The following ARHGEF39 variants were observed in gnomAD, a reference collection of about 807,000 sequenced individuals.
ARHGEF39 encodes Rho guanine nucleotide exchange factor 39.
A neutral mutation model predicts 47.5 loss-of-function variants in ARHGEF39; 45 were observed. That is an observed-to-expected ratio of 0.95 (90% CI 0.75 to 1.22). The LOEUF (loss-of-function observed/expected upper bound fraction) is 1.22, where lower values mean the gene tolerates loss of function less well. Among genes scored for constraint, ARHGEF39 ranks in the 50% most tolerant of loss-of-function variants. The probability of loss-of-function intolerance (pLI) is 0.00; values close to 1 mark genes in which losing one functional copy is unlikely to be tolerated. For missense variants in ARHGEF39, 411 were observed against 425.3 expected, an observed-to-expected ratio of 0.97 and a Z score of 0.30; for synonymous variants, 164 against 167.8, an observed-to-expected ratio of 0.98 and a Z score of 0.17.
In ARHGEF39 at chr9:35,660,330, G is replaced by A. The variant is rs1823848916; in HGVS notation, c.*1657C>T. 1 of 1,338,902 alleles carries A rather than the reference G, an allele frequency of 7.5e-7. No homozygotes were observed. Among genetic ancestry groups the A allele is most frequent in the African/African-American group, 1.5e-5 (1 of 68,244 alleles). 82.9% of individuals were successfully genotyped at this position (1,338,902 alleles called of 1,614,324 possible). On this transcript the variant is annotated 3_prime_UTR_variant, in exon 9 of 9. Coordinates refer to ENST00000378387, the MANE Select transcript of ARHGEF39 (RefSeq NM_032818.3). ...TCTCAAATTGCACTCTCTCTTGGCTGGCTCTGGAGACTGAGGTGATGGAGC... is the reference window on the plus strand; with the variant it reads ...TCTCAAATTGCACTCTCTCTTGGCTAGCTCTGGAGACTGAGGTGATGGAGC...
At position 35,665,090 on chromosome 9, in the gene ARHGEF39, G is replaced by A. The variant is rs1352495398; in HGVS notation, c.80C>T (p.Ala27Val). 5 of 1,552,878 alleles carry A rather than the reference G, an allele frequency of 3.2e-6. No homozygotes were observed. The East Asian group carries it at 1.2e-4, about 37-fold the overall frequency. The change falls in exon 1 of 9, where the codon GCC becomes GTC. Residue 27 changes from alanine to valine, a missense_variant. Coordinates refer to ENST00000378387, the MANE Select transcript of ARHGEF39 (RefSeq NM_032818.3). ...CCGCTCGGTCTCTAGCAGCTCCCGG[G>A]CGGTGCAGGCGCGTTTCCGCTCCCA... ...ARWERKRACT[A>V]RELLETERRY...
At position 35,663,068 on chromosome 9, in the gene ARHGEF39, G is replaced by C; in HGVS notation, c.551C>G (p.Ala184Gly). The change falls in exon 6 of 9, where the codon GCC (alanine) becomes GGC (glycine). Residue 184 changes from alanine (A) to glycine (G), a missense_variant. Transcript: ENST00000378387. ...CTGGGCAGTCTCACTTATCAGTCGG[G>C]CAGCCCCTGGAATAACATCTCCCAC... ...SPDHQQLTRA[A>G]RLISETAQRV... The C allele has an allele frequency of 6.2e-7, 1 of 1,613,498 alleles. No homozygotes were observed. Among genetic ancestry groups the C allele is most frequent in the Non-Finnish European group, 8.5e-7 (1 of 1,179,634 alleles).
At chr9:35,662,114 G>C in intron 8 of ARHGEF39, 65 bp downstream of exon 8, 1 of 1,598,904 alleles carries the variant, frequency 6.3e-7, no homozygotes, top group Admixed American at 1.7e-5. Context: ...CATGAGACAG[G>C]AACTGCATAT....
intron 5 of ARHGEF39, 111 bp downstream of exon 5, chr9:35,663,211 A>G: frequency 6.5e-7 from 1 of 1,549,808 alleles, no homozygotes. Flanking sequence ...GGGACACTGT[A>G]TACATGTCAG....
chr9:35,663,098 C>T lies in ARHGEF39; in HGVS notation c.545-24G>A, dbSNP rs1048358018. Reference sequence around the variant, plus strand: ...CCCTGGAATAACATCTCCCACCTTACTCCCCATACAACTTTGACTTTGGGT... The same window carrying T: ...CCCTGGAATAACATCTCCCACCTTATTCCCCATACAACTTTGACTTTGGGT... On this transcript the variant is annotated intron_variant, in intron 5 of 8. Transcript: ENST00000378387. 2.5e-6 allele frequency: 4 copies of T among 1,610,742 alleles called. No individual in the cohort carries two copies. The African/African-American group carries it at 4.0e-5, about 16-fold the overall frequency.
At position 35,661,083 on chromosome 9, in the gene ARHGEF39, C is replaced by A; in HGVS notation, c.*904G>T. 1 of 1,614,110 alleles carries A rather than the reference C, an allele frequency of 6.2e-7. No homozygotes were observed. ...TTCCTGGGAGGTGGGGCGGGGACTA[C>A]GGAGAAGGTGCAGCCAGGCTGTGGC... On this transcript the variant is annotated 3_prime_UTR_variant, in exon 9 of 9. Transcript: ENST00000378387.
In ARHGEF39 at chr9:35,664,407, C is replaced by T. The variant is rs769737328; in HGVS notation, c.319G>A (p.Ala107Thr). 3.7e-6 allele frequency: 6 copies of T among 1,613,122 alleles called. No individual in the cohort carries two copies. In the South Asian group the frequency reaches 5.5e-5, roughly 15 times the overall value. Residue 107 changes from alanine (A) to threonine (T), a missense_variant, in exon 3 of 9, where the codon GCT becomes ACT. Physicochemically the swap from Ala to Thr is moderately conservative, Grantham distance 58. Coordinates refer to ENST00000378387, the MANE Select transcript of ARHGEF39 (RefSeq NM_032818.3). ...GTCTGGGACCTCTCTGAGTTGGCAG[C>T]AAATTGGTTATAGAGCTCCAAGTGG... ...CRHLELYNQF[A>T]ANSERSQTTL...
At position 35,663,405 on chromosome 9, in the gene ARHGEF39, AGTGGGAAGTCT is replaced by A; in HGVS notation, c.474-24_474-14del. The A allele has an allele frequency of 1.2e-6, 2 of 1,611,990 alleles. No homozygotes were observed. The highest frequency in any genetic ancestry group is 8.5e-7 in the Non-Finnish European group (1 of 1,178,778). The stretch of plus-strand genomic sequence containing the variant: ...GAGATTCTCATACCTGGAATTCAAC[AGTGGGAAGTCT>A]GAGGGGAAGCAGAGCCAGGCAGAAT... On this transcript the variant is annotated splice_polypyrimidine_tract_variant and intron_variant, in intron 4 of 8. Transcript: ENST00000378387.
At position 35,662,260 on chromosome 9, in the gene ARHGEF39, A is replaced by G; in HGVS notation, c.911T>C (p.Phe304Ser). The G allele has an allele frequency of 6.2e-7, 1 of 1,613,884 alleles. No homozygotes were observed. The highest frequency in any genetic ancestry group is 8.5e-7 in the Non-Finnish European group (1 of 1,179,764). The stretch of plus-strand genomic sequence containing the variant: ...CATAAGCAGTAGCTTCTCATGAGGG[A>G]AGGACAGCTAGAGAGAGACCACCTC... Reference protein sequence around the residue: ...GPCGGLLSLSFPHEKLLLMST... With the variant: ...GPCGGLLSLSSPHEKLLLMST... Residue 304 changes from phenylalanine to serine, a missense_variant, in exon 8 of 9, where the codon TTC becomes TCC. By Grantham distance (155) the Phe-to-Ser change is radical. Coordinates refer to ENST00000378387, the MANE Select transcript of ARHGEF39 (RefSeq NM_032818.3).
In ARHGEF39 at chr9:35,660,799, C is replaced by T; in HGVS notation, c.*1188G>A. The T allele has an allele frequency of 6.2e-7, 1 of 1,614,102 alleles. No individual in the cohort carries two copies. ...GAGCTTCTGAACATGAAGCTATGGA[C>T]CATCCACGAGCTGCTGCAAGATAGC... On this transcript the variant is annotated 3_prime_UTR_variant, in exon 9 of 9. Transcript: ENST00000378387.
Position 35,661,943 on chromosome 9 carries a change from C to T in ARHGEF39, c.*44G>A, listed in dbSNP as rs1411786697. 6.2e-7 allele frequency: 1 copy of T among 1,600,460 alleles called. No individual in the cohort carries two copies. Among genetic ancestry groups the T allele is most frequent in the East Asian group, 2.2e-5 (1 of 44,826 alleles). On this transcript the variant is annotated 3_prime_UTR_variant, in exon 9 of 9. Transcript: ENST00000378387. ...GATTCCTTTGTACTCTTGGCTGTGA[C>T]CTATCCCTGAGGTATCCTGAGTTCT...
chr9:35,662,399 C>G, intron 7 of ARHGEF39, 113 bp downstream of exon 7: 1 of 1,382,036 alleles, frequency 7.2e-7, no homozygotes, highest in South Asian at 1.3e-5. Context: ...CAGCTATCCT[C>G]TCTCAATGTA....
chr9:35,661,323 GAAGA>G lies in ARHGEF39; in HGVS notation c.*660_*663del. The G allele has an allele frequency of 1.6e-6, 1 of 625,280 alleles. No individual in the cohort carries two copies. Among genetic ancestry groups the G allele is most frequent in the Non-Finnish European group, 2.8e-6 (1 of 363,302 alleles). 38.7% of individuals were successfully genotyped at this position (625,280 alleles called of 1,614,324 possible). On this transcript the variant is annotated 3_prime_UTR_variant, in exon 9 of 9. Coordinates refer to ENST00000378387, the MANE Select transcript of ARHGEF39 (RefSeq NM_032818.3). The stretch of plus-strand genomic sequence containing the variant: ...GGCTGCCTTCCAGTGTGACAGCAGA[GAAGA>G]TAGAGGGAGCTCCAGCTCTTTTCCT...
chr9:35,664,633 C>G, intron 2 of ARHGEF39, 123 bp downstream of exon 2: 1 of 1,471,380 alleles, frequency 6.8e-7, no homozygotes, highest in Admixed American at 2.5e-5. Flanking sequence ...AGGCCCTGGG[C>G]CAAGGCCACA....
In ARHGEF39 at chr9:35,661,887, C is replaced by T. The variant is rs762587408; in HGVS notation, c.*100G>A. 2.6e-5 allele frequency: 36 copies of T among 1,376,996 alleles called. No homozygotes were observed. Among genetic ancestry groups the T allele is most frequent in the Non-Finnish European group, 3.5e-5 (35 of 1,003,416 alleles). 85.3% of individuals were successfully genotyped at this position (1,376,996 alleles called of 1,614,324 possible). A position where few individuals can be genotyped will look rare whatever the true frequency, so the allele number is the denominator to read the frequency against. On this transcript the variant is annotated 3_prime_UTR_variant, in exon 9 of 9. Coordinates refer to ENST00000378387, the MANE Select transcript of ARHGEF39 (RefSeq NM_032818.3). Reference sequence around the variant, plus strand: ...AAACAGAAAGTGACCTTTGTCAAATCATGAAGGGTTCTGTTTTGTTCAGTA... The same window carrying T: ...AAACAGAAAGTGACCTTTGTCAAATTATGAAGGGTTCTGTTTTGTTCAGTA...
intron 7 of ARHGEF39, 61 bp from the exon 8 acceptor site, chr9:35,662,328 T>A (rs1366246948): frequency 6.5e-7 from 1 of 1,538,470 alleles, no homozygotes; most frequent in East Asian, 2.2e-5. Context: ...GCTGAAGCCC[T>A]TGCTGTTTCC....
chr9:35,664,009 G>A lies in ARHGEF39; in HGVS notation c.472C>T (p.Gln158Ter). The change falls in exon 4 of 9, where the codon CAG becomes TAG. Residue 158 changes from glutamine to a stop codon, truncating the protein, a stop_gained and splice_region_variant. Transcript: ENST00000378387. LOFTEE classifies it high-confidence loss of function. ...LLPLPLQRLQ[Q>*]YENLVVALAE... ...GGCTGGAATCAAGAGTTCACTCACT[G>A]CTGGAGCCGTTGCAGAGGCAGAGGG... 1 of 1,613,462 alleles carries A rather than the reference G, an allele frequency of 6.2e-7. No homozygotes were observed. The highest frequency in any genetic ancestry group is 8.5e-7 in the Non-Finnish European group (1 of 1,179,358).
chr9:35,663,358 T>C lies in ARHGEF39; in HGVS notation c.508A>G (p.Thr170Ala). The C allele has an allele frequency of 6.2e-7, 1 of 1,613,954 alleles. No individual in the cohort carries two copies. The highest frequency in any genetic ancestry group is 8.5e-7 in the Non-Finnish European group (1 of 1,179,912). ...TGATGGTCAGGGCTGTTGGGACCTG[T>C]GTTTTCAGCCAAAGCTACGACGAGA... Reference protein sequence around the residue: ...ENLVVALAENTGPNSPDHQQL... With the variant: ...ENLVVALAENAGPNSPDHQQL... The change falls in exon 5 of 9, where the codon ACA becomes GCA. Residue 170 changes from threonine to alanine, a missense_variant. Transcript: ENST00000378387.
At chr9:35,664,263 C>T in intron 3 of ARHGEF39, 109 bp downstream of exon 3, 1 of 1,522,200 alleles carries the variant, frequency 6.6e-7, no homozygotes, top group East Asian at 2.3e-5. Flanking sequence ...GAACTTACCA[C>T]AGAGCTGAGC....
Sources: allele counts gnomAD v4.1 joint callset, GRCh38; gene constraint gnomAD v4.1.1; transcripts MANE v1.5; gene names NCBI Gene and HGNC (gene_info 2026-07-23, HGNC 2026-07-21).